Variants in LSAMP observed in about 807,000 individuals in gnomAD.
LSAMP encodes the protein limbic system associated membrane protein, also known as limbic system-associated membrane protein.
In LSAMP, 7 loss-of-function variants were observed where a neutral mutation model predicts 38.6. The observed-to-expected ratio is 0.18, with a 90% CI of 0.10 to 0.34. LSAMP has a LOEUF of 0.34. LSAMP is among the 10% of genes least tolerant of loss of function. The pLI is 1.00. For missense variants in LSAMP, 313 were observed against 420.0 expected (o/e 0.75, Z 2.23); for synonymous variants, 154 against 166.8 (o/e 0.92, Z 0.59).
At position 115,971,118 on chromosome 3, in the gene LSAMP, G is replaced by A. The variant is rs895616973; in HGVS notation, c.514+48397C>T. On this transcript the variant is annotated intron_variant, in intron 3 of 6. Transcript: ENST00000490035. Reference sequence around the variant, plus strand: ...ATTAATCCTAGCATGGATAGGCAGCGCATATAGGGCTGGAGGAGAAGCTAT... The same window carrying A: ...ATTAATCCTAGCATGGATAGGCAGCACATATAGGGCTGGAGGAGAAGCTAT... Among the ~76,000 whole-genome samples, 5 of 152,250 alleles carry A rather than the reference G, an allele frequency of 3.3e-5. No homozygotes were observed. In the South Asian group the frequency reaches 6.2e-4, roughly 19 times the overall value.
intron 1 of LSAMP, among the ~76,000 whole-genome samples, chr3:116,265,199 T>C (rs2046876360): frequency 6.6e-6 from 1 of 152,008 alleles, no homozygotes; most frequent in Admixed American, 6.5e-5. Flanking sequence ...AAAAAGCATA[T>C]GCTGAAGAAT....
At chr3:116,300,996 G>C (rs1285775737) in intron 1 of LSAMP, among the ~76,000 whole-genome samples, 1 of 151,648 alleles carries the variant, frequency 6.6e-6, no homozygotes, top group Admixed American at 6.6e-5. Flanking sequence ...TTAATACGTG[G>C]TTATTCAGTC....
At chr3:116,113,762 T>G (rs1708683466) in intron 1 of LSAMP, among the ~76,000 whole-genome samples, 1 of 152,136 alleles carries the variant, frequency 6.6e-6, no homozygotes, top group South Asian at 2.1e-4. Flanking sequence ...TACACACTGT[T>G]GTTGATACTG....
intron 2 of LSAMP, among the ~76,000 whole-genome samples, chr3:116,044,281 C>T (rs1400287246): frequency 6.6e-6 from 1 of 152,098 alleles, no homozygotes; most frequent in Non-Finnish European, 1.5e-5. Context: ...TTCCCCTTGC[C>T]CAAAGATTTC....
intron 1 of LSAMP, among the ~76,000 whole-genome samples, chr3:116,295,283 T>TTCTA (rs1183691307): frequency 1.3e-5 from 2 of 152,210 alleles, no homozygotes; most frequent in Non-Finnish European, 2.9e-5. Context: ...GATTTCTATT[T>TTCTA]TCTATCTGCA....
At chr3:116,082,428 C>A (rs548339318) in intron 2 of LSAMP, among the ~76,000 whole-genome samples, 1 of 152,118 alleles carries the variant, frequency 6.6e-6, no homozygotes, top group African/African-American at 2.4e-5. Context: ...AAGTTTAGTT[C>A]CCATTTTTAT....
At chr3:115,918,069 T>A (rs1006807514) in intron 3 of LSAMP, among the ~76,000 whole-genome samples, 2 of 152,198 alleles carry the variant, frequency 1.3e-5, no homozygotes, top group African/African-American at 4.8e-5. Flanking sequence ...CAGGTTCAAC[T>A]GCACATTTTT....
At chr3:116,290,735 AAT>A in intron 1 of LSAMP, among the ~76,000 whole-genome samples, 1 of 476 alleles carries the variant, frequency 2.1e-3, no homozygotes, top group Non-Finnish European at 0.014. Flanking sequence ...GTCTCACAAA[AAT>A]AATAATAATA....
At chr3:116,189,056 A>G (rs531932095) in intron 1 of LSAMP, among the ~76,000 whole-genome samples, 6 of 152,208 alleles carry the variant, frequency 3.9e-5, no homozygotes, top group Non-Finnish European at 7.3e-5. Flanking sequence ...CTAATTCATA[A>G]GCTTCTATTC....
Position 115,940,802 on chromosome 3 carries a change from T to G in LSAMP, c.514+78713A>C, listed in dbSNP as rs1937893079. 3.3e-5 allele frequency among the ~76,000 whole-genome samples: 5 copies of G among 152,202 alleles called. 1 individual carries two copies. The highest frequency in any genetic ancestry group is 3.3e-4 in the Admixed American group (5 of 15,266). ...CATGCCAGTATTATGCTGTTTTGAT[T>G]AATATACCTTTGTAATATTTTTGAT... On this transcript the variant is annotated intron_variant, in intron 3 of 6. Coordinates refer to ENST00000490035, the MANE Select transcript of LSAMP (RefSeq NM_002338.5).
intron 1 of LSAMP, among the ~76,000 whole-genome samples, chr3:116,389,039 G>C (rs1212195546): frequency 6.6e-6 from 1 of 152,208 alleles, no homozygotes; most frequent in Non-Finnish European, 1.5e-5. Flanking sequence ...AAAGGAACCA[G>C]TCAAGAAACC....
chr3:115,868,720 A>G (rs1241706824), intron 3 of LSAMP, among the ~76,000 whole-genome samples: 3 of 152,192 alleles, frequency 2.0e-5, no homozygotes, highest in African/African-American at 7.2e-5. Context: ...AATCAAAACC[A>G]TAAAGATTTA....
At position 115,854,276 on chromosome 3, in the gene LSAMP, ATTATTAT is replaced by A. The variant is rs1298380911; in HGVS notation, c.515-1666_515-1660del. ...TATTATTATTATTATTATTATTATTATTATTATTTTTTTTTTTTTTTTTTGAGATGGA... is the reference window on the plus strand; with the variant it reads ...TATTATTATTATTATTATTATTATTATTTTTTTTTTTTTTTTTGAGATGGA... On this transcript the variant is annotated intron_variant, in intron 3 of 6. Coordinates refer to ENST00000490035, the MANE Select transcript of LSAMP (RefSeq NM_002338.5). Among the ~76,000 whole-genome samples the A allele has an allele frequency of 8.4e-5, 10 of 119,602 alleles. No homozygotes were observed. In the East Asian group the frequency reaches 8.7e-4, roughly 10 times the overall value. 78.5% of individuals were successfully genotyped at this position (119,602 alleles called of 152,430 possible).
intron 1 of LSAMP, among the ~76,000 whole-genome samples, chr3:116,336,592 A>G (rs1463107307): frequency 1.3e-5 from 2 of 151,952 alleles, no homozygotes; most frequent in African/African-American, 4.8e-5. Context: ...TCACTTCTTC[A>G]TAGCTACTCT....
chr3:116,304,379 G>T (rs536255307), intron 1 of LSAMP, among the ~76,000 whole-genome samples: 109 of 152,276 alleles, frequency 7.2e-4, no homozygotes, highest in African/African-American at 2.5e-3. Context: ...AAGCCAGAAA[G>T]ACATTCAGAC....
chr3:115,888,322 G>A (rs559062629), intron 3 of LSAMP, among the ~76,000 whole-genome samples: 1 of 151,896 alleles, frequency 6.6e-6, no homozygotes, highest in East Asian at 1.9e-4. Flanking sequence ...ATACATTGCT[G>A]TTTATCTTTC....
chr3:115,882,197 A>G (rs2107434484), intron 3 of LSAMP, among the ~76,000 whole-genome samples: 1 of 152,162 alleles, frequency 6.6e-6, no homozygotes, highest in East Asian at 1.9e-4. Flanking sequence ...TTTTCTGAGC[A>G]ACACTCCTCA....
At chr3:116,356,616 T>A (rs2048226369) in intron 1 of LSAMP, among the ~76,000 whole-genome samples, 1 of 152,228 alleles carries the variant, frequency 6.6e-6, no homozygotes, top group African/African-American at 2.4e-5. Flanking sequence ...AAAGAAATGA[T>A]GAATGCTTAA....
chr3:116,113,315 T>C (rs4831229), intron 1 of LSAMP, among the ~76,000 whole-genome samples: 24,670 of 149,832 alleles, frequency 0.16, 2,123 homozygotes, highest in Non-Finnish European at 0.19. Flanking sequence ...ACCCTACCAT[T>C]CATCCTCTGT....
Sources: allele counts gnomAD v4.1 joint callset (sites outside exome capture counted in the v4.1 genomes callset), GRCh38; gene constraint gnomAD v4.1.1; transcripts MANE v1.5; gene names NCBI Gene and HGNC (gene_info 2026-07-23, HGNC 2026-07-21).